Variants in PARD3 observed in about 807,000 individuals in gnomAD.
PARD3 encodes the protein par-3 family cell polarity regulator.
In PARD3, 75 loss-of-function variants were observed where a neutral mutation model predicts 155.4. The ratio of observed to expected loss-of-function variants is 0.48; its 90% confidence interval spans 0.40 to 0.58. The LOEUF is 0.58. Ranked by LOEUF, PARD3 falls within the 20% of genes least tolerant of loss-of-function variation. The pLI is 0.00. For synonymous variants in PARD3, 576 were observed against 610.5 expected, an observed-to-expected ratio of 0.94 and a Z score of 0.83; for missense variants, 1,642 against 1,721.7, an observed-to-expected ratio of 0.95 and a Z score of 0.82.
chr10:34,716,695 C>A (rs948507081), intron 1 of PARD3, among the ~76,000 whole-genome samples: 1 of 147,200 alleles, frequency 6.8e-6, no homozygotes, highest in African/African-American at 2.5e-5. Flanking sequence ...TGGGTTCAAG[C>A]GATTCTCCTG....
At chr10:34,791,144 CTAGACA>C (rs1841569737) in intron 1 of PARD3, among the ~76,000 whole-genome samples, 1 of 152,232 alleles carries the variant, frequency 6.6e-6, no homozygotes, top group Admixed American at 6.5e-5. Flanking sequence ...CAAAACCTGG[CTAGACA>C]TAAACTATCA....
chr10:34,498,906 A>G (rs2080476755), intron 3 of PARD3, among the ~76,000 whole-genome samples: 1 of 152,230 alleles, frequency 6.6e-6, no homozygotes, highest in South Asian at 2.1e-4. Flanking sequence ...CAACACATAC[A>G]CACACTCCTA....
chr10:34,450,917 T>C (rs949692812), intron 4 of PARD3, among the ~76,000 whole-genome samples: 4 of 152,202 alleles, frequency 2.6e-5, no homozygotes, highest in African/African-American at 9.7e-5. Context: ...CAAAGCCTTA[T>C]GGTTTTGTGA....
chr10:34,433,320 T>C (rs974529904), intron 5 of PARD3, among the ~76,000 whole-genome samples: 3 of 152,212 alleles, frequency 2.0e-5, no homozygotes, highest in Non-Finnish European at 2.9e-5. Context: ...TGTCCAATAT[T>C]AGACAACTAA....
intron 2 of PARD3, among the ~76,000 whole-genome samples, chr10:34,522,001 A>G (rs1043500158): frequency 1.3e-5 from 2 of 152,230 alleles, no homozygotes; most frequent in African/African-American, 4.8e-5. Context: ...GGTTGTGGGT[A>G]GACAGAATAA....
chr10:34,721,180 A>G (rs2094601559), intron 1 of PARD3, among the ~76,000 whole-genome samples: 1 of 152,228 alleles, frequency 6.6e-6, no homozygotes. Flanking sequence ...TCGGTTATAT[A>G]TAAATCTTAA....
intron 2 of PARD3, among the ~76,000 whole-genome samples, chr10:34,598,498 TCAGAG>T (rs2089487515): frequency 1.3e-5 from 2 of 152,228 alleles, no homozygotes; most frequent in African/African-American, 4.8e-5. Flanking sequence ...CTGTAACTTT[TCAGAG>T]CACTCTCTTG....
intron 22 of PARD3, among the ~76,000 whole-genome samples, chr10:34,204,361 C>T (rs1951363536): frequency 1.3e-5 from 2 of 152,286 alleles, no homozygotes; most frequent in African/African-American, 4.8e-5. Flanking sequence ...ACATATGGTC[C>T]AGTGGTGGCA....
At chr10:34,797,414 C>A (rs529824835) in intron 1 of PARD3, among the ~76,000 whole-genome samples, 6 of 152,144 alleles carry the variant, frequency 3.9e-5, no homozygotes, top group Non-Finnish European at 8.8e-5. Flanking sequence ...AGTCTCCCAA[C>A]GTGCTGGAAT....
rs187172017 is a variant in PARD3, at chr10:34,397,487, A to T, written c.890+1843T>A. Among the ~76,000 whole-genome samples, 30 of 152,336 alleles carry T rather than the reference A, an allele frequency of 2.0e-4. No homozygotes were observed. In the East Asian group the frequency reaches 5.6e-3, roughly 28 times the overall value. On this transcript the variant is annotated intron_variant, in intron 7 of 24. Coordinates refer to ENST00000374788, the MANE Select transcript of PARD3 (RefSeq NM_001184785.2). ...AACTAATAGGGCTTAAAAATGACTC[A>T]GCTATAAAAGAACTTCTAGTTCTGC...
intron 1 of PARD3, among the ~76,000 whole-genome samples, chr10:34,720,127 G>C (rs2133720023): frequency 6.6e-6 from 1 of 152,304 alleles, no homozygotes; most frequent in East Asian, 1.9e-4. Context: ...GGTTTGTTTT[G>C]CTTTTTTACT....
At chr10:34,216,689 T>C (rs1243040004) in intron 22 of PARD3, among the ~76,000 whole-genome samples, 1 of 152,240 alleles carries the variant, frequency 6.6e-6, no homozygotes, top group Non-Finnish European at 1.5e-5. Context: ...GAAGTTTAAG[T>C]GATATGCTTA....
At chr10:34,473,956 G>A (rs1338243927) in intron 3 of PARD3, among the ~76,000 whole-genome samples, 4 of 152,148 alleles carry the variant, frequency 2.6e-5, no homozygotes, top group Non-Finnish European at 5.9e-5. Context: ...TTTTCTTCTA[G>A]CCCCAGCTTG....
intron 22 of PARD3, among the ~76,000 whole-genome samples, chr10:34,257,346 AC>A (rs1164122359): frequency 1.3e-5 from 2 of 152,370 alleles, no homozygotes; most frequent in South Asian, 2.1e-4. Flanking sequence ...ATCACAAAAT[AC>A]CAACAAGATT....
chr10:34,352,613 C>T (rs1838236067), intron 14 of PARD3, among the ~76,000 whole-genome samples: 1 of 152,248 alleles, frequency 6.6e-6, no homozygotes, highest in South Asian at 2.1e-4. Flanking sequence ...TCCCGAGGTG[C>T]CGGGATTGCA....
intron 2 of PARD3, among the ~76,000 whole-genome samples, chr10:34,573,726 AACAAACAAAAAC>A (rs1409671222): frequency 1.0e-5 from 1 of 97,660 alleles, no homozygotes; most frequent in African/African-American, 5.3e-5. Flanking sequence ...CAAACAAACA[AACAAACAAAAAC>A]ACACACACAC....
intron 20 of PARD3, among the ~76,000 whole-genome samples, chr10:34,288,992 CACTCTGT>C (rs2133958172): frequency 6.6e-6 from 1 of 152,258 alleles, no homozygotes; most frequent in South Asian, 2.1e-4. Context: ...GACAGGGTCT[CACTCTGT>C]CACCCGGGCT....
intron 2 of PARD3, among the ~76,000 whole-genome samples, chr10:34,526,713 C>T (rs1385004133): frequency 1.3e-5 from 2 of 152,186 alleles, no homozygotes; most frequent in Non-Finnish European, 2.9e-5. Context: ...CCTGCTGTGC[C>T]ACCAGCAAGT....
intron 22 of PARD3, among the ~76,000 whole-genome samples, chr10:34,181,075 A>G (rs1429619054): frequency 2.0e-5 from 3 of 152,132 alleles, no homozygotes; most frequent in Admixed American, 6.5e-5. Flanking sequence ...AATTACTACC[A>G]TCTTGATAGA....
Sources: gnomAD v4.1 joint callset for allele counts (sites outside exome capture counted in the v4.1 genomes callset) on GRCh38, gnomAD v4.1.1 for gene constraint, MANE v1.5 for transcripts, NCBI Gene and HGNC (gene_info 2026-07-23, HGNC 2026-07-21) for gene names.